The following FLT4 variants were observed in gnomAD, a reference collection of about 807,000 sequenced individuals.
The protein encoded by FLT4 is fms related receptor tyrosine kinase 4.
FLT4 carries 30 observed loss-of-function variants against 163.2 expected under a neutral mutation model. The ratio of observed to expected loss-of-function variants is 0.18; its 90% CI spans 0.14 to 0.25. The LOEUF (loss-of-function observed/expected upper bound fraction) is 0.25, where lower values mean the gene tolerates loss of function less well. FLT4 is among the 10% of genes least tolerant of loss of function. The pLI, the probability that FLT4 is intolerant of heterozygous loss-of-function variation, is 1.00. For synonymous variants in FLT4, 884 were observed against 789.5 expected, an observed-to-expected ratio of 1.12 and a Z score of -2.01; for missense variants, 1,510 against 1,863.8, an observed-to-expected ratio of 0.81 and a Z score of 3.50.
chr5:180,622,696 T>C lies in FLT4; in HGVS notation c.1657+35A>G, dbSNP rs371804248. On this transcript the variant is annotated intron_variant, in intron 12 of 29. Transcript: ENST00000261937. ...CCAAACCTGCCCCCTCCTGACCCTG[T>C]ACCCAGGCCTCCCCGCCCTGGTCTG... 208 of 1,361,144 alleles carry C rather than the reference T, an allele frequency of 1.5e-4. No individual in the cohort carries two copies. In the African/African-American group the frequency reaches 2.5e-3, roughly 17 times the overall value. 84.3% of individuals were successfully genotyped at this position (1,361,144 alleles called of 1,614,324 possible).
chr5:180,628,809 T>C, intron 8 of FLT4, 73 bp downstream of exon 8: 1 of 1,065,622 alleles, frequency 9.4e-7, no homozygotes. Context: ...GCTGCCCGTC[T>C]TCCCCTATGG....
At chr5:180,649,642 G>A (rs1765653021), upstream of FLT4, 1 of 516,036 alleles carries the variant, frequency 1.9e-6, no homozygotes, top group Non-Finnish European at 2.6e-6. Context: ...GGCGGGGCGG[G>A]GCGGGGGCCG....
intron 8 of FLT4, 79 bp from the exon 9 acceptor site, chr5:180,626,344 A>C: frequency 4.0e-5 from 59 of 1,486,790 alleles, no homozygotes; most frequent in Non-Finnish European, 4.8e-5. Context: ...CACCCCAAAT[A>C]CAGTTGGGAG....
At chr5:180,629,084 C>G (rs895401060) in intron 7 of FLT4, 85 bp from the exon 8 acceptor site, 1 of 1,464,576 alleles carries the variant, frequency 6.8e-7, no homozygotes, top group Non-Finnish European at 9.6e-7. Flanking sequence ...CCTGCAGCCC[C>G]GGCAGCCGGA....
rs1763063378 is a variant in FLT4, at chr5:180,620,707, C to T, written c.2308G>A (p.Asp770Asn). The change falls in exon 16 of 30, where the codon GAT (aspartate) becomes AAT (asparagine). Residue 770 changes from aspartate to asparagine, a missense_variant. By Grantham distance (23) the Asp-to-Asn change is conservative. Transcript: ENST00000261937. This position sits in a 1 kb window ranked among gnomAD's most constrained non-coding sequence, Gnocchi z 4.4. ...ATCACGATCTCCATGCTGCCCTTAT[C>T]CTCGGAGCCTGCGTGGGCAGAAAGG... is the stretch of plus-strand genomic sequence containing the variant. ...SASVAVEGSE[D>N]KGSMEIVILV... 1 of 1,613,128 alleles carries T rather than the reference C, an allele frequency of 6.2e-7. No individual in the cohort carries two copies.
In FLT4 at chr5:180,609,007, T is replaced by G. The variant is rs776559400; in HGVS notation, c.3854A>C (p.Glu1285Ala). 4 of 1,614,152 alleles carry G rather than the reference T, an allele frequency of 2.5e-6. No individual in the cohort carries two copies. Among genetic ancestry groups the G allele is most frequent in the Non-Finnish European group, 3.4e-6 (4 of 1,180,010 alleles). Residue 1285 changes from glutamate (E) to alanine (A), a missense_variant, in exon 29 of 30, where the codon GAG becomes GCG. Coordinates refer to ENST00000261937, the MANE Select transcript of FLT4 (RefSeq NM_182925.5). ...TTGTCTATGCCTGCTCTCTATCTGC[T>G]CAAACTCCTCCGAGGCCAGCACCAT... Reference protein sequence around the residue: ...SGMVLASEEFEQIESRHRQES... With the variant: ...SGMVLASEEFAQIESRHRQES...
chr5:180,639,569 G>A (rs1764946420), intron 1 of FLT4, among the ~76,000 whole-genome samples: 1 of 152,152 alleles, frequency 6.6e-6, no homozygotes, highest in Admixed American at 6.5e-5. Flanking sequence ...TGGATGGGTG[G>A]ATGGTTAGAT....
chr5:180,615,084 C>T (rs939195894), intron 23 of FLT4, among the ~76,000 whole-genome samples: 12 of 152,290 alleles, frequency 7.9e-5, no homozygotes, highest in African/African-American at 2.4e-4. Context: ...ACCCACCGCA[C>T]GGAGCAAGGC....
At position 180,631,713 on chromosome 5, in the gene FLT4, C is replaced by T. The variant is rs777334601; in HGVS notation, c.124G>A (p.Asp42Asn). Reference protein sequence around the residue: ...LNITEESHVIDTGDSLSISCR... With the variant: ...LNITEESHVINTGDSLSISCR... ...GAGATGGACAGGCTGTCACCGGTGT[C>T]GATGACGTGTGACTCCTCCGTGATG... The change falls in exon 2 of 30, where the codon GAC becomes AAC. Residue 42 changes from aspartate to asparagine, a missense_variant. By Grantham distance (23) the Asp-to-Asn change is conservative (BLOSUM62 1). Around this residue, in one of 5 missense-constraint regions of FLT4, gnomAD observed 157 missense variants for 178.7 expected, o/e 0.88. Coordinates refer to ENST00000261937, the MANE Select transcript of FLT4 (RefSeq NM_182925.5). The T allele has an allele frequency of 3.7e-6, 6 of 1,610,574 alleles. No homozygotes were observed. The highest frequency in any genetic ancestry group is 3.3e-5 in the South Asian group (3 of 91,074).
chr5:180,641,953 A>T (rs1214742819), intron 1 of FLT4, among the ~76,000 whole-genome samples: 3 of 152,170 alleles, frequency 2.0e-5, no homozygotes, highest in Non-Finnish European at 2.9e-5. Flanking sequence ...TCACGCCTGT[A>T]ATCACAGCAC....
upstream of FLT4, among the ~76,000 whole-genome samples, chr5:180,650,260 G>A (rs1367630726): frequency 1.3e-5 from 2 of 151,088 alleles, no homozygotes; most frequent in African/African-American, 4.9e-5. Context: ...AGCCGCACCC[G>A]TGAGCGGGAC....
At position 180,630,809 on chromosome 5, in the gene FLT4, G is replaced by A. The variant is rs1764058775; in HGVS notation, c.156-10C>T. The A allele has an allele frequency of 4.4e-6, 7 of 1,596,534 alleles. No individual in the cohort carries two copies. The East Asian group carries it at 1.1e-4, about 26-fold the overall frequency. On this transcript the variant is annotated splice_polypyrimidine_tract_variant and intron_variant, in intron 2 of 29. Coordinates refer to ENST00000261937, the MANE Select transcript of FLT4 (RefSeq NM_182925.5). The surrounding 1 kb of genome is among the most constrained non-coding windows in gnomAD (Gnocchi z 6.3). ...GAGGGGGTGCTGTCCCCTGGCAGAG[G>A]ACAGGAGTGGTCAGGTGGGCCCCAG...
intron 10 of FLT4, among the ~76,000 whole-genome samples, chr5:180,625,269 G>A (rs1350016029): frequency 6.6e-6 from 1 of 152,254 alleles, no homozygotes; most frequent in African/African-American, 2.4e-5. Context: ...CCCCCTGCTT[G>A]TCTAAATGTC....
At position 180,628,790 on chromosome 5, in the gene FLT4, G is replaced by A. The variant is rs767973260; in HGVS notation, c.1103+92C>T. The A allele has an allele frequency of 5.7e-4, 517 of 901,594 alleles. 3 individuals carry two copies. Among genetic ancestry groups the A allele is most frequent in the Non-Finnish European group, 3.8e-4 (214 of 560,916 alleles). The allele number at this position is 901,594 out of a possible 1,614,324, so 55.8% of individuals were successfully genotyped here. ...CTGGTCTCCGTGTGCAGGTCCTGAC[G>A]GGGAGGACGCTGCCCGTCTTCCCCT... On this transcript the variant is annotated intron_variant, in intron 8 of 29. Coordinates refer to ENST00000261937, the MANE Select transcript of FLT4 (RefSeq NM_182925.5).
Position 180,612,423 on chromosome 5 carries a change from A to G in FLT4, c.3537+83T>C, listed in dbSNP as rs950255339. On this transcript the variant is annotated intron_variant, in intron 26 of 29. Transcript: ENST00000261937. Reference sequence around the variant, plus strand: ...CAGCTGAGAGGTGGGCAGAGCCTAGATGGGCTTGGAGGGGCAGCTCGGGCC... The same window carrying G: ...CAGCTGAGAGGTGGGCAGAGCCTAGGTGGGCTTGGAGGGGCAGCTCGGGCC... The G allele has an allele frequency of 1.0e-5, 10 of 994,030 alleles. No homozygotes were observed. The African/African-American group carries it at 1.6e-4, about 16-fold the overall frequency. 61.6% of individuals were successfully genotyped at this position (994,030 alleles called of 1,614,324 possible). A position where few individuals can be genotyped will look rare whatever the true frequency, so the allele number is the denominator to read the frequency against.
chr5:180,613,859 G>C, intron 24 of FLT4: 1 of 635,832 alleles, frequency 1.6e-6, no homozygotes, highest in East Asian at 2.8e-5. Context: ...CCCACAGAGG[G>C]TGGCCCACGT....
chr5:180,648,053 T>C (rs1003890791), intron 1 of FLT4, among the ~76,000 whole-genome samples: 36 of 152,232 alleles, frequency 2.4e-4, no homozygotes, highest in African/African-American at 7.7e-4. Flanking sequence ...GCTCAGACAC[T>C]GCGCCCAGGT....
chr5:180,619,165 G>C (rs1381586046), intron 19 of FLT4, 56 bp from the exon 20 acceptor site: 87 of 1,305,520 alleles, frequency 6.7e-5, no homozygotes, highest in Non-Finnish European at 8.4e-5. Flanking sequence ...CGCTGCGGGC[G>C]CGCTCCGCGT....
chr5:180,628,997 T>C lies in FLT4; in HGVS notation c.988A>G (p.Asn330Asp), dbSNP rs1434014466. 1 of 1,610,976 alleles carries C rather than the reference T, an allele frequency of 6.2e-7. No homozygotes were observed. The highest frequency in any genetic ancestry group is 8.5e-7 in the Non-Finnish European group (1 of 1,178,496). Residue 330 changes from asparagine to aspartate, a missense_variant and splice_region_variant, in exon 8 of 30, where the codon AAT becomes GAT. Asn to Asp is a conservative substitution (Grantham distance 23). This residue lies in a region of FLT4 where 163 missense variants were observed against 281.1 expected (regional missense o/e 0.58). Coordinates refer to ENST00000261937, the MANE Select transcript of FLT4 (RefSeq NM_182925.5). ...RESTEVIVHE[N>D]PFISVEWLKG... ...AGCCACTCGACGCTGATGAAGGGATTTTCTGCCGGACAGGAGAAGTCACTG... is the reference window on the plus strand; with the variant it reads ...AGCCACTCGACGCTGATGAAGGGATCTTCTGCCGGACAGGAGAAGTCACTG...
Sources: allele counts gnomAD v4.1 joint callset (sites outside exome capture counted in the v4.1 genomes callset), GRCh38; gene constraint gnomAD v4.1.1; regional missense constraint gnomAD v4.1.1; non-coding constraint Gnocchi (gnomAD v3.1); transcripts MANE v1.5; gene names NCBI Gene and HGNC (gene_info 2026-07-23, HGNC 2026-07-21).